The following STXBP5L variants were observed in gnomAD, a reference collection of about 807,000 sequenced individuals.
STXBP5L encodes the protein syntaxin-binding protein 5-like.
A neutral mutation model predicts 144.5 loss-of-function variants in STXBP5L; 65 were observed. The ratio of observed to expected loss-of-function variants is 0.45; its 90% CI spans 0.37 to 0.55. The LOEUF (loss-of-function observed/expected upper bound fraction) is 0.55, where lower values mean the gene tolerates loss of function less well. Among genes scored for constraint, STXBP5L ranks in the 20% least tolerant of loss-of-function variants. The pLI is 0.00. For missense variants in STXBP5L, 1,298 were observed against 1,405.5 expected (o/e 0.92, Z 1.22); for synonymous variants, 505 against 469.6 (o/e 1.08, Z -0.97).
chr3:121,212,773 G>T (rs891431690), intron 10 of STXBP5L, among the ~76,000 whole-genome samples: 3 of 152,050 alleles, frequency 2.0e-5, no homozygotes, highest in Non-Finnish European at 4.4e-5. Flanking sequence ...AGCTTGAGGG[G>T]GATAGCATTG....
chr3:121,177,915 A>G (rs2046996729), intron 9 of STXBP5L, among the ~76,000 whole-genome samples: 1 of 152,240 alleles, frequency 6.6e-6, no homozygotes, highest in Non-Finnish European at 1.5e-5. Context: ...AAAATGTGGT[A>G]TATACATCAA....
At chr3:121,144,983 G>A (rs2045659687) in intron 7 of STXBP5L, among the ~76,000 whole-genome samples, 1 of 151,828 alleles carries the variant, frequency 6.6e-6, no homozygotes, top group Admixed American at 6.6e-5. Context: ...AGAGTGTAAT[G>A]GTGGCTGATG....
intron 5 of STXBP5L, among the ~76,000 whole-genome samples, chr3:121,103,826 A>T (rs973761126): frequency 1.3e-5 from 2 of 152,210 alleles, no homozygotes; most frequent in Non-Finnish European, 2.9e-5. Flanking sequence ...AAGAACAGAT[A>T]AAGAAAATTA....
At chr3:120,980,390 G>A (rs1457402601) in intron 3 of STXBP5L, among the ~76,000 whole-genome samples, 3 of 150,414 alleles carry the variant, frequency 2.0e-5, no homozygotes, top group African/African-American at 7.3e-5. Flanking sequence ...ATGAATATGG[G>A]TGCTCTATGT....
intron 5 of STXBP5L, among the ~76,000 whole-genome samples, chr3:121,114,470 A>T (rs2044145182): frequency 6.6e-6 from 1 of 152,178 alleles, no homozygotes; most frequent in African/African-American, 2.4e-5. Context: ...TTTACGAAAT[A>T]TAATATGAAA....
intron 7 of STXBP5L, among the ~76,000 whole-genome samples, chr3:121,133,009 G>T (rs1156380431): frequency 6.6e-6 from 1 of 151,984 alleles, no homozygotes; most frequent in Admixed American, 6.6e-5. Flanking sequence ...AATTAAAGTG[G>T]GCCACTGTGT....
chr3:121,152,194 T>G (rs564721009), intron 7 of STXBP5L, among the ~76,000 whole-genome samples: 5 of 152,156 alleles, frequency 3.3e-5, no homozygotes, highest in African/African-American at 1.2e-4. Context: ...CTATCCCATT[T>G]TTCTTTTCTT....
chr3:121,270,655 G>A (rs115108280), intron 18 of STXBP5L, among the ~76,000 whole-genome samples: 2,207 of 152,148 alleles, frequency 0.015, 26 homozygotes, highest in Non-Finnish European at 0.021. Flanking sequence ...GTTTTGCCAC[G>A]TTGACCAGGC....
At chr3:121,202,196 G>T (rs892307316) in intron 9 of STXBP5L, among the ~76,000 whole-genome samples, 3 of 152,112 alleles carry the variant, frequency 2.0e-5, no homozygotes, top group African/African-American at 7.2e-5. Context: ...GACAAAAAAT[G>T]TAGATCAAGT....
chr3:121,067,705 G>A (rs764129166), intron 5 of STXBP5L, among the ~76,000 whole-genome samples: 11 of 152,074 alleles, frequency 7.2e-5, no homozygotes, highest in South Asian at 2.1e-4. Flanking sequence ...AGAGAGGACC[G>A]TTAAAAGCTC....
chr3:121,198,639 T>C (rs2048015469), intron 9 of STXBP5L, among the ~76,000 whole-genome samples: 1 of 152,256 alleles, frequency 6.6e-6, no homozygotes, highest in African/African-American at 2.4e-5. Context: ...AAGTCTTTAA[T>C]TCTTCTTGAG....
chr3:121,393,238 G>T (rs553778216), intron 22 of STXBP5L, among the ~76,000 whole-genome samples: 3 of 150,526 alleles, frequency 2.0e-5, no homozygotes, highest in Admixed American at 1.3e-4. Flanking sequence ...GTTTTGAAAA[G>T]TGCCTGTTCA....
chr3:121,082,021 C>A (rs2042269446), intron 5 of STXBP5L, among the ~76,000 whole-genome samples: 1 of 152,110 alleles, frequency 6.6e-6, no homozygotes. Context: ...TTATTGTAAC[C>A]ATACAGTAAG....
intron 3 of STXBP5L, among the ~76,000 whole-genome samples, chr3:121,025,135 TAGAG>T (rs1286189867): frequency 6.6e-6 from 1 of 152,118 alleles, no homozygotes; most frequent in Non-Finnish European, 1.5e-5. Flanking sequence ...TAAGAGAAGT[TAGAG>T]AGGCCAAGAG....
chr3:121,364,081 T>A (rs1443795506), intron 20 of STXBP5L, among the ~76,000 whole-genome samples: 1 of 152,212 alleles, frequency 6.6e-6, no homozygotes, highest in Non-Finnish European at 1.5e-5. Context: ...TGTTTGTGCC[T>A]TTGATATCAT....
At position 121,337,439 on chromosome 3, in the gene STXBP5L, T is replaced by TAAA. The variant is rs59662899; in HGVS notation, c.2176+18917_2176+18919dup. Among the ~76,000 whole-genome samples the TAAA allele has an allele frequency of 1.9e-3, 132 of 71,056 alleles. 1 individual carries two copies. The highest frequency in any genetic ancestry group is 4.5e-3 in the African/African-American group (91 of 20,254). 46.6% of individuals were successfully genotyped at this position (71,056 alleles called of 152,430 possible). ...AACAGACACTTTAAAGCAACAACAG[T>TAAA]AAAAAAAAAAAAAAAAAAAAGTCAT... On this transcript the variant is annotated intron_variant, in intron 20 of 26. Coordinates refer to ENST00000471454, the MANE Select transcript of STXBP5L (RefSeq NM_001308330.2).
intron 5 of STXBP5L, chr3:121,099,017 C>A (rs986695846): frequency 2.0e-5 from 3 of 152,018 alleles, no homozygotes; most frequent in Non-Finnish European, 2.9e-5. Flanking sequence ...TAGAGATTGC[C>A]TCTATCTATA....
intron 11 of STXBP5L, among the ~76,000 whole-genome samples, chr3:121,228,768 T>G (rs1223996990): frequency 6.6e-6 from 1 of 152,092 alleles, no homozygotes; most frequent in Non-Finnish European, 1.5e-5. Context: ...TCCCAGCTAC[T>G]CGGGAGGCTG....
At chr3:121,138,941 G>A (rs2107930499) in intron 7 of STXBP5L, among the ~76,000 whole-genome samples, 1 of 151,982 alleles carries the variant, frequency 6.6e-6, no homozygotes, top group East Asian at 1.9e-4. Flanking sequence ...CATAGCAAAG[G>A]AAACAACAGA....
Sources: gnomAD v4.1 joint callset for allele counts (sites outside exome capture counted in the v4.1 genomes callset) on GRCh38, gnomAD v4.1.1 for gene constraint, MANE v1.5 for transcripts, NCBI Gene and HGNC (gene_info 2026-07-23, HGNC 2026-07-21) for gene names.